The following OPCML variants were observed in gnomAD, a reference collection of about 807,000 sequenced individuals.
The protein encoded by OPCML is opioid binding protein/cell adhesion molecule like, also known as opioid-binding protein/cell adhesion molecule.
In OPCML, 13 loss-of-function variants were observed where a neutral mutation model predicts 37.8. The observed-to-expected ratio is 0.34, with a 90% CI of 0.22 to 0.55. The LOEUF (loss-of-function observed/expected upper bound fraction) is 0.55. OPCML is among the 20% of genes least tolerant of loss of function. The pLI, the probability that OPCML is intolerant of heterozygous loss-of-function variation, is 0.91. For synonymous variants in OPCML, 176 were observed against 168.8 expected (o/e 1.04, Z -0.33); for missense variants, 341 against 435.6 (o/e 0.78, Z 1.93).
intron 1 of OPCML, among the ~76,000 whole-genome samples, chr11:133,207,681 C>G (rs61910359): frequency 2.0e-5 from 3 of 152,116 alleles, no homozygotes. Context: ...GAGATTGCCA[C>G]TGGTGCCATA....
chr11:133,493,457 T>C (rs1049920292), intron 1 of OPCML, among the ~76,000 whole-genome samples: 4 of 152,094 alleles, frequency 2.6e-5, no homozygotes, highest in African/African-American at 9.7e-5. Flanking sequence ...ACATGCATAC[T>C]TTTTTTTACA....
At chr11:133,107,302 C>A (rs1037742012) in intron 1 of OPCML, among the ~76,000 whole-genome samples, 1 of 152,194 alleles carries the variant, frequency 6.6e-6, no homozygotes, top group Non-Finnish European at 1.5e-5. Flanking sequence ...CATCTATCTG[C>A]ATTTAAAGCT....
chr11:133,107,125 G>A (rs1199199782), intron 1 of OPCML, among the ~76,000 whole-genome samples: 1 of 152,214 alleles, frequency 6.6e-6, no homozygotes, highest in African/African-American at 2.4e-5. Context: ...CCATCCAAGA[G>A]GAAGATTGTG....
At chr11:132,422,679 G>A (rs975752555) in intron 7 of OPCML, among the ~76,000 whole-genome samples, 3 of 152,176 alleles carry the variant, frequency 2.0e-5, no homozygotes, top group Admixed American at 6.5e-5. Context: ...TTCCCACTTT[G>A]TAAACAGGAA....
At chr11:132,522,647 C>T (rs1334264056) in intron 4 of OPCML, among the ~76,000 whole-genome samples, 2 of 152,128 alleles carry the variant, frequency 1.3e-5, no homozygotes, top group Admixed American at 1.3e-4. Flanking sequence ...AAGTTGTTCC[C>T]ATTTTGCAGT....
At chr11:133,299,436 G>A (rs1224836112) in intron 1 of OPCML, 2 of 152,254 alleles carry the variant, frequency 1.3e-5, no homozygotes, top group South Asian at 4.2e-4. Flanking sequence ...CTTATTAGTG[G>A]GCAGACACCT....
intron 4 of OPCML, among the ~76,000 whole-genome samples, chr11:132,493,706 T>A: frequency 6.6e-6 from 1 of 152,194 alleles, no homozygotes; most frequent in East Asian, 1.9e-4. Flanking sequence ...AATTGCCAAT[T>A]TTGAAGAGCC....
At chr11:133,494,433 G>A (rs1229907258) in intron 1 of OPCML, among the ~76,000 whole-genome samples, 2 of 151,672 alleles carry the variant, frequency 1.3e-5, no homozygotes, top group South Asian at 2.1e-4. Context: ...TATGTTTATT[G>A]CGGCACTATT....
chr11:133,247,714 A>G (rs1592139225), intron 1 of OPCML, among the ~76,000 whole-genome samples: 1 of 151,540 alleles, frequency 6.6e-6, no homozygotes, highest in Admixed American at 6.6e-5. Context: ...AGCAATTCTC[A>G]TGCCTCAGCC....
chr11:132,491,985 A>G (rs938460067), intron 4 of OPCML, among the ~76,000 whole-genome samples: 2 of 146,746 alleles, frequency 1.4e-5, no homozygotes, highest in African/African-American at 2.5e-5. Context: ...AGGTAAAGTG[A>G]CATTTGAGTA....
intron 6 of OPCML, 163 bp from the exon 7 acceptor site, chr11:132,436,400 T>C (rs988703828): frequency 2.0e-6 from 2 of 982,688 alleles, no homozygotes; most frequent in Non-Finnish European, 2.4e-6. Flanking sequence ...ATGGGATAAA[T>C]GTACTGGCTT....
chr11:133,167,198 C>T (rs1048943808), intron 1 of OPCML, among the ~76,000 whole-genome samples: 3 of 152,256 alleles, frequency 2.0e-5, no homozygotes, highest in Admixed American at 6.5e-5. Flanking sequence ...ATTTCTCCAG[C>T]GTGCTTCCTC....
intron 4 of OPCML, among the ~76,000 whole-genome samples, chr11:132,515,406 G>A (rs1046433228): frequency 1.3e-5 from 2 of 152,174 alleles, no homozygotes; most frequent in African/African-American, 4.8e-5. Flanking sequence ...GGTAGGGAGA[G>A]TTGGGCTATA....
chr11:133,025,210 T>C (rs533411978), intron 1 of OPCML: 8 of 648,638 alleles, frequency 1.2e-5, no homozygotes, highest in Middle Eastern at 7.8e-4. Flanking sequence ...TATTCTATAG[T>C]TCATAGAAAT....
chr11:132,853,784 C>T (rs1476857479), intron 2 of OPCML, among the ~76,000 whole-genome samples: 1 of 152,166 alleles, frequency 6.6e-6, no homozygotes, highest in Non-Finnish European at 1.5e-5. Context: ...TTTCTATTGC[C>T]TGTATGAGAT....
At chr11:132,937,076 A>G (rs1447104179) in intron 2 of OPCML, among the ~76,000 whole-genome samples, 1 of 152,180 alleles carries the variant, frequency 6.6e-6, no homozygotes, top group African/African-American at 2.4e-5. Flanking sequence ...GACTGAAGAC[A>G]GCTTCCCGTT....
rs79780961 is a variant in OPCML at position 132,979,332 on chromosome 11, T to A, written c.62-36322A>T. On this transcript the variant is annotated intron_variant, in intron 1 of 7. Coordinates refer to ENST00000524381, the MANE Select transcript of OPCML (RefSeq NM_001012393.5). ...TTCACTCAGAGTACAGAGCCTCGTG[T>A]GACGTGGCTCCTCATCCCTGTCTGA... 8.7e-4 allele frequency among the ~76,000 whole-genome samples: 133 copies of A among 152,316 alleles called. No individual in the cohort carries two copies. In the East Asian group the frequency reaches 0.022, roughly 25 times the overall value.
chr11:133,156,002 C>T (rs182364982), intron 1 of OPCML, among the ~76,000 whole-genome samples: 31 of 152,270 alleles, frequency 2.0e-4, no homozygotes, highest in African/African-American at 5.3e-4. Flanking sequence ...TTTAACCCAT[C>T]GGAGAGCAAG....
At chr11:133,112,039 C>A (rs985046772) in intron 1 of OPCML, among the ~76,000 whole-genome samples, 5 of 152,042 alleles carry the variant, frequency 3.3e-5, no homozygotes, top group Non-Finnish European at 7.4e-5. Context: ...TCCACCTTCA[C>A]GCTGGTTCTT....
Sources: allele counts gnomAD v4.1 joint callset (sites outside exome capture counted in the v4.1 genomes callset), GRCh38; gene constraint gnomAD v4.1.1; transcripts MANE v1.5; gene names NCBI Gene and HGNC (gene_info 2026-07-23, HGNC 2026-07-21).